ROBO1: variants seen among roughly 807,000 people sequenced by gnomAD.
ROBO1 encodes the protein roundabout guidance receptor 1.
Under a neutral mutation model 195.9 loss-of-function variants are expected in ROBO1, and 149 were observed. That is an observed-to-expected ratio of 0.76 (90% CI 0.67 to 0.87). The LOEUF (loss-of-function observed/expected upper bound fraction) is 0.87. Ranked by LOEUF, ROBO1 falls within the 40% of genes least tolerant of loss-of-function variation. The probability of loss-of-function intolerance (pLI) is 0.00; values close to 1 mark genes in which losing one functional copy is unlikely to be tolerated. For synonymous variants in ROBO1, 816 were observed against 733.2 expected (o/e 1.11, Z -1.82); for missense variants, 1,933 against 2,068.3 (o/e 0.93, Z 1.27).
chr3:79,411,286 T>G (rs1450919332), intron 2 of ROBO1, among the ~76,000 whole-genome samples: 1 of 152,136 alleles, frequency 6.6e-6, no homozygotes, highest in Non-Finnish European at 1.5e-5. Flanking sequence ...ATGAGACATA[T>G]TCAGTCCTAA....
intron 3 of ROBO1, among the ~76,000 whole-genome samples, chr3:79,056,596 C>T (rs2078813833): frequency 6.6e-6 from 1 of 152,096 alleles, no homozygotes; most frequent in East Asian, 1.9e-4. Flanking sequence ...TTAAGACCTA[C>T]TTTAGGTATT....
At chr3:79,078,284 C>T (rs1022285729) in intron 3 of ROBO1, among the ~76,000 whole-genome samples, 2 of 151,640 alleles carry the variant, frequency 1.3e-5, no homozygotes, top group African/African-American at 4.8e-5. Context: ...AATTGAGGGG[C>T]TACTAAACTG....
At chr3:78,644,286 T>C (rs1431052856) in intron 21 of ROBO1, among the ~76,000 whole-genome samples, 2 of 152,152 alleles carry the variant, frequency 1.3e-5, no homozygotes, top group African/African-American at 4.8e-5. Context: ...AAATGTTTAT[T>C]ATTCATCTCG....
chr3:78,993,864 T>A (rs1211155043), intron 3 of ROBO1, among the ~76,000 whole-genome samples: 1 of 152,102 alleles, frequency 6.6e-6, no homozygotes, highest in African/African-American at 2.4e-5. Context: ...CCAAAATGGT[T>A]TTTTTTCCCA....
chr3:79,441,516 A>G (rs1393615425), intron 2 of ROBO1, among the ~76,000 whole-genome samples: 1 of 152,174 alleles, frequency 6.6e-6, no homozygotes, highest in Non-Finnish European at 1.5e-5. Flanking sequence ...TCCATTGGCT[A>G]GAACATGGAG....
intron 2 of ROBO1, among the ~76,000 whole-genome samples, chr3:79,390,904 C>T (rs2036923265): frequency 6.6e-6 from 1 of 151,948 alleles, no homozygotes; most frequent in Non-Finnish European, 1.5e-5. Flanking sequence ...TTATGAAGAC[C>T]TAAAATAGGA....
At chr3:78,908,647 T>C (rs759430685) in intron 4 of ROBO1, among the ~76,000 whole-genome samples, 1 of 151,892 alleles carries the variant, frequency 6.6e-6, no homozygotes, top group Non-Finnish European at 1.5e-5. Context: ...GCATTCCTTA[T>C]AGCATTAGTT....
At chr3:79,645,957 G>T (rs1945810310) in intron 1 of ROBO1, among the ~76,000 whole-genome samples, 1 of 152,050 alleles carries the variant, frequency 6.6e-6, no homozygotes, top group Admixed American at 6.6e-5. Flanking sequence ...TTAAAGGCAG[G>T]ATCTGAAACT....
At chr3:79,190,744 T>G (rs1395046529) in intron 2 of ROBO1, among the ~76,000 whole-genome samples, 1 of 151,692 alleles carries the variant, frequency 6.6e-6, no homozygotes, top group Admixed American at 6.6e-5. Context: ...TTAAAACTTA[T>G]CAAATGTCTC....
At chr3:79,052,130 A>G (rs186615666) in intron 3 of ROBO1, among the ~76,000 whole-genome samples, 1 of 152,244 alleles carries the variant, frequency 6.6e-6, no homozygotes, top group African/African-American at 2.4e-5. Flanking sequence ...TGCAAAAGCG[A>G]ATAGAAGAAA....
intron 2 of ROBO1, among the ~76,000 whole-genome samples, chr3:79,530,805 A>ACACC (rs59972309): frequency 8.7e-6 from 1 of 115,354 alleles, no homozygotes; most frequent in African/African-American, 3.5e-5. Flanking sequence ...ACACACACAC[A>ACACC]TCCTTCCCTG....
intron 2 of ROBO1, among the ~76,000 whole-genome samples, chr3:79,368,716 A>G (rs549715149): frequency 6.6e-6 from 1 of 152,026 alleles, no homozygotes; most frequent in Admixed American, 6.5e-5. Context: ...CCCACATTCT[A>G]CTGTTTTAGA....
At chr3:79,355,986 G>C (rs538741732) in intron 2 of ROBO1, among the ~76,000 whole-genome samples, 2 of 152,274 alleles carry the variant, frequency 1.3e-5, no homozygotes, top group South Asian at 4.1e-4. Flanking sequence ...GAGAAAAGTA[G>C]TTCATTTTTA....
chr3:79,580,850 CT>C (rs1271616573), intron 2 of ROBO1, among the ~76,000 whole-genome samples: 1 of 148,090 alleles, frequency 6.8e-6, no homozygotes, highest in Non-Finnish European at 1.5e-5. Context: ...CATTCAACTT[CT>C]TCTCAAGTTT....
At chr3:79,562,105 T>C (rs1942941109) in intron 2 of ROBO1, among the ~76,000 whole-genome samples, 1 of 152,164 alleles carries the variant, frequency 6.6e-6, no homozygotes, top group African/African-American at 2.4e-5. Context: ...TTTTGACAAA[T>C]GGCTATTTTT....
At chr3:79,559,573 T>C (rs912591432) in intron 2 of ROBO1, among the ~76,000 whole-genome samples, 3 of 152,270 alleles carry the variant, frequency 2.0e-5, no homozygotes, top group Middle Eastern at 3.4e-3. Context: ...ACCTATGCCT[T>C]CACTATTAAC....
At chr3:79,279,433 G>A (rs1468421354) in intron 2 of ROBO1, among the ~76,000 whole-genome samples, 2 of 152,006 alleles carry the variant, frequency 1.3e-5, no homozygotes, top group African/African-American at 2.4e-5. Context: ...ATCCCAAATA[G>A]TATCACTATT....
chr3:79,333,999 C>G (rs1243555116), intron 2 of ROBO1, among the ~76,000 whole-genome samples: 1 of 152,062 alleles, frequency 6.6e-6, no homozygotes, highest in African/African-American at 2.4e-5. Context: ...CTACTGGACC[C>G]TCTCATTTAA....
chr3:78,985,591 T>A (rs1384377681), intron 3 of ROBO1, among the ~76,000 whole-genome samples: 1 of 152,184 alleles, frequency 6.6e-6, no homozygotes, highest in East Asian at 1.9e-4. Flanking sequence ...TCGGGCCACA[T>A]CATTCTTCAT....
Sources: allele counts gnomAD v4.1 joint callset (sites outside exome capture counted in the v4.1 genomes callset), GRCh38; gene constraint gnomAD v4.1.1; transcripts MANE v1.5; gene names NCBI Gene and HGNC (gene_info 2026-07-23, HGNC 2026-07-21).